The following CRY1 variants were observed in gnomAD, a reference collection of about 807,000 sequenced individuals.
The protein encoded by CRY1 is cryptochrome circadian regulator 1, also known as cryptochrome-1.
A neutral mutation model predicts 76.0 loss-of-function variants in CRY1; 45 were observed. That is an observed-to-expected ratio of 0.59 (90% CI 0.47 to 0.76). CRY1 has a LOEUF of 0.76. Among genes scored for constraint, CRY1 ranks in the 30% least tolerant of loss-of-function variants. CRY1 has a pLI of 0.00. For synonymous variants in CRY1, 248 were observed against 244.0 expected (o/e 1.02, Z -0.15); for missense variants, 587 against 716.4 (o/e 0.82, Z 2.06).
At chr12:107,005,826 G>T (rs1285288288) in intron 2 of CRY1, among the ~76,000 whole-genome samples, 3 of 151,990 alleles carry the variant, frequency 2.0e-5, no homozygotes, top group Non-Finnish European at 4.4e-5. Flanking sequence ...TTTGGAGATG[G>T]TAATAATAAT....
intron 2 of CRY1, among the ~76,000 whole-genome samples, chr12:107,019,046 C>T (rs1225782096): frequency 6.6e-6 from 1 of 152,110 alleles, no homozygotes; most frequent in Non-Finnish European, 1.5e-5. Flanking sequence ...GATTAATTAC[C>T]TATTAAAAAT....
intron 1 of CRY1, among the ~76,000 whole-genome samples, chr12:107,061,689 C>A (rs147755957): frequency 1.6e-3 from 238 of 152,222 alleles, no homozygotes; most frequent in African/African-American, 5.2e-3. Context: ...GCCCCTAATA[C>A]ATTCTTTAGT....
At position 107,092,847 on chromosome 12, in the gene CRY1, G is replaced by C; in HGVS notation, c.115C>G (p.Pro39Ala). The C allele has an allele frequency of 6.2e-7, 1 of 1,611,474 alleles. No homozygotes were observed. The highest frequency in any genetic ancestry group is 8.5e-7 in the Non-Finnish European group (1 of 1,179,780). ...DTIRCVYILD[P>A]WFAGSSNVGI... ...ACATTGGAGGAGCCGGCGAACCAGGGGTCCAGGATGTAGACGCAGCGGATG... is the reference window on the plus strand; with the variant it reads ...ACATTGGAGGAGCCGGCGAACCAGGCGTCCAGGATGTAGACGCAGCGGATG... Residue 39 changes from proline (P) to alanine (A), a missense_variant, in exon 1 of 13, where the codon CCC becomes GCC. By Grantham distance (27) the Pro-to-Ala change is conservative (BLOSUM62 -1). Transcript: ENST00000008527.
chr12:107,055,259 T>C (rs1460279539), intron 1 of CRY1, among the ~76,000 whole-genome samples: 2 of 152,078 alleles, frequency 1.3e-5, no homozygotes, highest in African/African-American at 4.8e-5. Flanking sequence ...TTTGCATGTT[T>C]GGAATATAAT....
At chr12:107,087,489 C>G (rs1412774171) in intron 1 of CRY1, among the ~76,000 whole-genome samples, 3 of 152,242 alleles carry the variant, frequency 2.0e-5, no homozygotes, top group African/African-American at 7.2e-5. Context: ...TATTTTACAG[C>G]TTTAAGATTT....
intron 1 of CRY1, among the ~76,000 whole-genome samples, chr12:107,044,074 G>A (rs753210131): frequency 4.6e-5 from 7 of 152,008 alleles, no homozygotes; most frequent in Non-Finnish European, 1.0e-4. Flanking sequence ...ATGGACAACC[G>A]GTATCCAACC....
intron 2 of CRY1, among the ~76,000 whole-genome samples, chr12:107,018,013 C>T (rs2374661): frequency 0.69 from 105,582 of 152,056 alleles, 37,478 homozygotes; most frequent in East Asian, 0.97. Context: ...ACCATGAAGA[C>T]AGAAATTTTT....
At chr12:107,035,543 G>A (rs539640564) in intron 1 of CRY1, among the ~76,000 whole-genome samples, 3 of 152,216 alleles carry the variant, frequency 2.0e-5, no homozygotes, top group East Asian at 1.9e-4. Flanking sequence ...TTTGATATAG[G>A]TACTTCCTCC....
intron 1 of CRY1, among the ~76,000 whole-genome samples, chr12:107,083,688 T>C (rs1466394064): frequency 1.3e-5 from 2 of 152,062 alleles, no homozygotes; most frequent in Non-Finnish European, 1.5e-5. Context: ...GATGGAACGT[T>C]ACTCAGAATA....
At position 107,074,108 on chromosome 12, in the gene CRY1, A is replaced by G. The variant is rs144376437; in HGVS notation, c.158+18696T>C. Reference sequence around the variant, plus strand: ...ACTCTGATGGTTATTCTTCTTTTTAATTATCTTCCTTTCATTCAATCTTTC... The same window carrying G: ...ACTCTGATGGTTATTCTTCTTTTTAGTTATCTTCCTTTCATTCAATCTTTC... On this transcript the variant is annotated intron_variant, in intron 1 of 12. Transcript: ENST00000008527. Among the ~76,000 whole-genome samples, 759 of 152,246 alleles carry G rather than the reference A, an allele frequency of 5.0e-3. 6 individuals carry two copies. Among genetic ancestry groups the G allele is most frequent in the African/African-American group, 0.017 (715 of 41,530 alleles).
chr12:107,042,213 A>G (rs1204966728), intron 1 of CRY1, among the ~76,000 whole-genome samples: 1 of 152,348 alleles, frequency 6.6e-6, no homozygotes, highest in East Asian at 1.9e-4. Flanking sequence ...AGGATGAATG[A>G]AGGGAATAGA....
chr12:107,040,863 T>C (rs149589074), intron 1 of CRY1, among the ~76,000 whole-genome samples: 1 of 152,220 alleles, frequency 6.6e-6, no homozygotes, highest in African/African-American at 2.4e-5. Flanking sequence ...ATACACTTGA[T>C]TTCATCTTTG....
At chr12:107,039,086 T>C (rs1190690670) in intron 1 of CRY1, among the ~76,000 whole-genome samples, 1 of 151,996 alleles carries the variant, frequency 6.6e-6, no homozygotes, top group Admixed American at 6.6e-5. Context: ...GATCGTGCCA[T>C]TGTACTCCAG....
Position 106,992,804 on chromosome 12 carries a change from T to C in CRY1, c.1744A>G (p.Arg582Gly). Residue 582 changes from arginine to glycine, a missense_variant, in exon 12 of 13, where the codon AGA becomes GGA. Physicochemically the swap from Arg to Gly is moderately radical, Grantham distance 125 (BLOSUM62 -2). Transcript: ENST00000008527. ...DTQSIGPKVQ[R>G]QSTN ...ATATTTACCTAATTAGTGCTCTGTC[T>C]CTGGACTTTAGGACCAATACTCTGT... The C allele has an allele frequency of 6.2e-7, 1 of 1,613,924 alleles. No homozygotes were observed. The highest frequency in any genetic ancestry group is 8.5e-7 in the Non-Finnish European group (1 of 1,179,802).
chr12:107,086,168 C>T (rs1246446287), intron 1 of CRY1, among the ~76,000 whole-genome samples: 1 of 151,980 alleles, frequency 6.6e-6, no homozygotes, highest in Non-Finnish European at 1.5e-5. Flanking sequence ...TTCTAAACAA[C>T]AAAGCGTTCA....
chr12:107,011,869 A>G (rs1264432156), intron 2 of CRY1, among the ~76,000 whole-genome samples: 2 of 152,208 alleles, frequency 1.3e-5, no homozygotes, highest in Non-Finnish European at 2.9e-5. Context: ...AGAAGATGTC[A>G]TCTAGGACTT....
At chr12:107,086,093 T>A (rs1404499109) in intron 1 of CRY1, among the ~76,000 whole-genome samples, 4 of 152,206 alleles carry the variant, frequency 2.6e-5, no homozygotes, top group African/African-American at 9.7e-5. Flanking sequence ...ATTGTATCCA[T>A]GCCTAGGACT....
At chr12:107,045,153 A>G (rs1375061484) in intron 1 of CRY1, among the ~76,000 whole-genome samples, 1 of 152,200 alleles carries the variant, frequency 6.6e-6, no homozygotes, top group Non-Finnish European at 1.5e-5. Context: ...ATAAAAGGAA[A>G]TCTCCATTAG....
intron 1 of CRY1, among the ~76,000 whole-genome samples, chr12:107,047,084 T>C (rs752760500): frequency 5.9e-5 from 9 of 152,350 alleles, no homozygotes; most frequent in South Asian, 2.1e-4. Flanking sequence ...ATTCTTTTCA[T>C]TGGCATATGA....
Sources: allele counts gnomAD v4.1 joint callset (sites outside exome capture counted in the v4.1 genomes callset), GRCh38; gene constraint gnomAD v4.1.1; transcripts MANE v1.5; gene names NCBI Gene and HGNC (gene_info 2026-07-23, HGNC 2026-07-21).